MLLT3: variants seen among roughly 807,000 people sequenced by gnomAD.
The protein encoded by MLLT3 is protein AF-9.
In MLLT3, 4 loss-of-function variants were observed where a neutral mutation model predicts 53.2. The ratio of observed to expected loss-of-function variants is 0.08; its 90% CI spans 0.04 to 0.17. The LOEUF (loss-of-function observed/expected upper bound fraction) is 0.17, where lower values mean the gene tolerates loss of function less well. Ranked by LOEUF, MLLT3 falls within the 10% of genes least tolerant of loss-of-function variation. The probability of loss-of-function intolerance (pLI) is 1.00; values close to 1 mark genes in which losing one functional copy is unlikely to be tolerated. For synonymous variants in MLLT3, 283 were observed against 230.6 expected (o/e 1.23, Z -2.06); for missense variants, 569 against 684.0 (o/e 0.83, Z 1.87).
chr9:20,575,989 A>C (rs1277657724), intron 2 of MLLT3, among the ~76,000 whole-genome samples: 5 of 152,180 alleles, frequency 3.3e-5, no homozygotes, highest in Non-Finnish European at 7.3e-5. Flanking sequence ...AGGCCGTTTC[A>C]CCTACATTGA....
intron 2 of MLLT3, among the ~76,000 whole-genome samples, chr9:20,569,056 C>A (rs117863843): frequency 1.3e-5 from 2 of 152,128 alleles, no homozygotes; most frequent in Non-Finnish European, 2.9e-5. Flanking sequence ...CAGGTTCCAA[C>A]GTAACCCTAT....
chr9:20,607,008 T>A (rs1820586965), intron 2 of MLLT3, among the ~76,000 whole-genome samples: 1 of 152,104 alleles, frequency 6.6e-6, no homozygotes, highest in African/African-American at 2.4e-5. Flanking sequence ...TGGTTCCTCT[T>A]TCACTGCAAA....
chr9:20,423,063 G>A (rs895952983), intron 4 of MLLT3, among the ~76,000 whole-genome samples: 3 of 152,126 alleles, frequency 2.0e-5, no homozygotes, highest in African/African-American at 7.2e-5. Flanking sequence ...CAGTTAGTCT[G>A]ACTTCTTTTC....
chr9:20,460,066 A>G (rs567598828), intron 2 of MLLT3, among the ~76,000 whole-genome samples: 1 of 152,332 alleles, frequency 6.6e-6, no homozygotes, highest in East Asian at 1.9e-4. Context: ...CAGAGGTTAA[A>G]ACTTAGAAAC....
At chr9:20,514,877 G>A (rs1434724611) in intron 2 of MLLT3, among the ~76,000 whole-genome samples, 1 of 151,418 alleles carries the variant, frequency 6.6e-6, no homozygotes, top group East Asian at 1.9e-4. Flanking sequence ...TGTGTTTCCT[G>A]GTTACCACCA....
intron 4 of MLLT3, among the ~76,000 whole-genome samples, chr9:20,431,746 T>A (rs909814964): frequency 6.6e-6 from 1 of 152,138 alleles, no homozygotes; most frequent in Non-Finnish European, 1.5e-5. Flanking sequence ...GATATCTAGA[T>A]AACAAGACAA....
intron 2 of MLLT3, among the ~76,000 whole-genome samples, chr9:20,583,372 G>T (rs761653819): frequency 6.6e-6 from 1 of 152,022 alleles, no homozygotes; most frequent in African/African-American, 2.4e-5. Context: ...GCAAGCAGTC[G>T]GTGGATCTAC....
At chr9:20,393,683 T>C (rs1822248328) in intron 5 of MLLT3, among the ~76,000 whole-genome samples, 1 of 152,204 alleles carries the variant, frequency 6.6e-6, no homozygotes, top group Non-Finnish European at 1.5e-5. Context: ...CCACTTTTTA[T>C]TGCGTGATAA....
chr9:20,503,686 C>T (rs1478889545), intron 2 of MLLT3, among the ~76,000 whole-genome samples: 1 of 151,448 alleles, frequency 6.6e-6, no homozygotes, highest in African/African-American at 2.4e-5. Context: ...AAAACAAAAA[C>T]AAAAAAATAG....
intron 2 of MLLT3, among the ~76,000 whole-genome samples, chr9:20,565,391 A>G (rs1819326744): frequency 6.6e-6 from 1 of 152,126 alleles, no homozygotes; most frequent in South Asian, 2.1e-4. Context: ...CACACTGCGA[A>G]TAACTTACCA....
At chr9:20,416,359 A>G (rs558429706) in intron 4 of MLLT3, among the ~76,000 whole-genome samples, 1 of 152,186 alleles carries the variant, frequency 6.6e-6, no homozygotes, top group Admixed American at 6.5e-5. Flanking sequence ...AAGTTTTAAA[A>G]GCATACAATT....
chr9:20,487,689 A>G (rs1824849027), intron 2 of MLLT3, among the ~76,000 whole-genome samples: 1 of 152,126 alleles, frequency 6.6e-6, no homozygotes, highest in Middle Eastern at 3.2e-3. Context: ...ATTCTTACCA[A>G]ATTAATTTTA....
Position 20,453,357 on chromosome 9 carries a change from T to C in MLLT3, c.276+3347A>G, listed in dbSNP as rs189348819. Among the ~76,000 whole-genome samples, 267 of 152,194 alleles carry C rather than the reference T, an allele frequency of 1.8e-3. 1 individual carries two copies. The highest frequency in any genetic ancestry group is 6.2e-3 in the African/African-American group (256 of 41,524). On this transcript the variant is annotated intron_variant, in intron 3 of 10. Coordinates refer to ENST00000380338, the MANE Select transcript of MLLT3 (RefSeq NM_004529.4). Reference sequence around the variant, plus strand: ...GGGCAGATCACTTGAGCCCAGGAGCTCGAAATCATCCTGGGCAACATGGTG... The same window carrying C: ...GGGCAGATCACTTGAGCCCAGGAGCCCGAAATCATCCTGGGCAACATGGTG...
At position 20,621,696 on chromosome 9, in the gene MLLT3, G is replaced by C. The variant is rs1821015397; in HGVS notation, c.12+549C>G. 2 of 1,422,382 alleles carry C rather than the reference G, an allele frequency of 1.4e-6. No homozygotes were observed. The highest frequency in any genetic ancestry group is 1.5e-5 in the African/African-American group (1 of 66,718). The allele number at this position is 1,422,382 out of a possible 1,614,324, so 88.1% of individuals were successfully genotyped here. On this transcript the variant is annotated intron_variant, in intron 1 of 10. Transcript: ENST00000380338. This position sits in a 1 kb window ranked among gnomAD's most constrained non-coding sequence, Gnocchi z 7.0. ...TCGCGCTCAGCACCTCCCGGCGCTG[G>C]GGCAAAGTTGCGTGCGGCCCCGCCG...
chr9:20,363,241 T>C, intron 7 of MLLT3: 1 of 440,514 alleles, frequency 2.3e-6, no homozygotes, highest in Non-Finnish European at 4.0e-6. Flanking sequence ...GACAAGGACA[T>C]CTAATGTGAC....
At chr9:20,542,827 G>A (rs1818678162) in intron 2 of MLLT3, among the ~76,000 whole-genome samples, 1 of 152,216 alleles carries the variant, frequency 6.6e-6, no homozygotes, top group Non-Finnish European at 1.5e-5. Context: ...TTAGAAAGCT[G>A]TTTGGTTTAC....
At position 20,587,498 on chromosome 9, in the gene MLLT3, C is replaced by T. The variant is rs1447583496; in HGVS notation, c.193+33156G>A. ...CAAGAGAGGGGCCCCCTACTCTTTC[C>T]ACTTCACAATAATGCCTAAATTCTA... On this transcript the variant is annotated intron_variant, in intron 2 of 10. Transcript: ENST00000380338. Among the ~76,000 whole-genome samples the T allele has an allele frequency of 1.5e-4, 23 of 151,766 alleles. No homozygotes were observed. In the East Asian group the frequency reaches 4.1e-3, roughly 27 times the overall value.
intron 5 of MLLT3, among the ~76,000 whole-genome samples, chr9:20,373,861 C>T (rs1821683975): frequency 6.6e-6 from 1 of 151,854 alleles, no homozygotes; most frequent in Non-Finnish European, 1.5e-5. Flanking sequence ...ATATAGGACA[C>T]TTTATTTACT....
chr9:20,422,704 C>T (rs1823042280), intron 4 of MLLT3, among the ~76,000 whole-genome samples: 1 of 152,172 alleles, frequency 6.6e-6, no homozygotes, highest in Admixed American at 6.5e-5. Flanking sequence ...GCCTTAATAG[C>T]AGCCGCAAAG....
Sources: allele counts gnomAD v4.1 joint callset (sites outside exome capture counted in the v4.1 genomes callset), GRCh38; gene constraint gnomAD v4.1.1; non-coding constraint Gnocchi (gnomAD v3.1); transcripts MANE v1.5; gene names NCBI Gene and HGNC (gene_info 2026-07-23, HGNC 2026-07-21).